The following PTPRN2 variants were observed in gnomAD, a reference collection of about 807,000 sequenced individuals.
PTPRN2 encodes receptor-type tyrosine-protein phosphatase N2.
Under a neutral mutation model 118.8 loss-of-function variants are expected in PTPRN2, and 74 were observed. The observed-to-expected ratio is 0.62, with a 90% CI of 0.52 to 0.76. The LOEUF is 0.76. PTPRN2 is among the 30% of genes least tolerant of loss of function. The probability of loss-of-function intolerance (pLI) is 0.00; values close to 1 mark genes in which losing one functional copy is unlikely to be tolerated. For missense variants in PTPRN2, 1,481 were observed against 1,394.4 expected (o/e 1.06, Z -0.99); for synonymous variants, 641 against 608.0 (o/e 1.05, Z -0.80).
At chr7:157,702,906 C>T (rs1798149424) in intron 12 of PTPRN2, among the ~76,000 whole-genome samples, 2 of 152,128 alleles carry the variant, frequency 1.3e-5, no homozygotes, top group African/African-American at 4.8e-5. Flanking sequence ...GACCTTCATA[C>T]CTGAGGGGCC....
At chr7:158,023,210 G>C (rs936108660) in intron 11 of PTPRN2, among the ~76,000 whole-genome samples, 2 of 152,096 alleles carry the variant, frequency 1.3e-5, no homozygotes, top group East Asian at 3.9e-4. Context: ...AGCCAATCCT[G>C]GTTTATTTCT....
chr7:158,279,870 T>C (rs901678023), intron 3 of PTPRN2, among the ~76,000 whole-genome samples: 1 of 152,062 alleles, frequency 6.6e-6, no homozygotes, highest in Non-Finnish European at 1.5e-5. Context: ...CGAGGGCTGC[T>C]AGCACGTTAT....
chr7:157,672,273 GA>G (rs1796454649), intron 13 of PTPRN2, among the ~76,000 whole-genome samples: 1 of 152,152 alleles, frequency 6.6e-6, no homozygotes, highest in Admixed American at 6.5e-5. Context: ...AGAAGAATCA[GA>G]CACGTTTTCT....
chr7:157,941,335 G>A (rs1800102120), intron 11 of PTPRN2, among the ~76,000 whole-genome samples: 1 of 86,872 alleles, frequency 1.2e-5, no homozygotes, highest in South Asian at 3.9e-4. Flanking sequence ...TCCCCACCAC[G>A]ACACTGCAAA....
intron 2 of PTPRN2, among the ~76,000 whole-genome samples, chr7:158,335,510 C>A (rs1340349923): frequency 3.6e-4 from 19 of 52,106 alleles, no homozygotes; most frequent in African/African-American, 1.2e-3. Context: ...CTCACACCCA[C>A]ACTCTCACCA....
intron 1 of PTPRN2, among the ~76,000 whole-genome samples, chr7:158,582,996 A>G (rs2129452620): frequency 6.6e-6 from 1 of 152,224 alleles, no homozygotes; most frequent in South Asian, 2.1e-4. Context: ...TCACCCGCAA[A>G]GCCAGTTGCA....
chr7:157,941,451 CCAT>C (rs1340152974), intron 11 of PTPRN2, among the ~76,000 whole-genome samples: 1 of 149,374 alleles, frequency 6.7e-6, no homozygotes, highest in Non-Finnish European at 1.5e-5. Flanking sequence ...ATCCTCCCCA[CCAT>C]GACACTGCAA....
chr7:158,272,563 C>G (rs762768724), intron 3 of PTPRN2, among the ~76,000 whole-genome samples: 2 of 152,204 alleles, frequency 1.3e-5, no homozygotes, highest in Non-Finnish European at 2.9e-5. Context: ...CGGCAGCCCA[C>G]CTCAAAGACA....
chr7:158,534,524 G>A (rs1825522021), intron 1 of PTPRN2, among the ~76,000 whole-genome samples: 1 of 152,168 alleles, frequency 6.6e-6, no homozygotes, highest in South Asian at 2.1e-4. Context: ...AGTGGGATCA[G>A]GCCTGGCTGG....
chr7:157,582,504 G>A (rs186316422), intron 17 of PTPRN2, among the ~76,000 whole-genome samples: 73 of 152,268 alleles, frequency 4.8e-4, no homozygotes, highest in African/African-American at 1.7e-3. Flanking sequence ...GGGATGGCAA[G>A]TGTTGGAGAG....
intron 11 of PTPRN2, among the ~76,000 whole-genome samples, chr7:158,073,305 G>C (rs1009215936): frequency 2.6e-5 from 4 of 152,194 alleles, no homozygotes; most frequent in African/African-American, 9.7e-5. Context: ...CCTGTGAGCC[G>C]CGGCTGCAGG....
chr7:158,245,346 C>T (rs1281587660), intron 3 of PTPRN2, among the ~76,000 whole-genome samples: 4 of 152,212 alleles, frequency 2.6e-5, no homozygotes, highest in Admixed American at 2.0e-4. Flanking sequence ...TGATGGTGCA[C>T]GTGACCCACG....
chr7:157,990,235 G>T lies in PTPRN2; in HGVS notation c.1723+91063C>A. On this transcript the variant is annotated intron_variant, in intron 11 of 22. Transcript: ENST00000389418. The surrounding 1 kb of genome is among the most constrained non-coding windows in gnomAD (Gnocchi z 4.3). ...TTCATGAGCGCCACCGGGGAAGACC[G>T]GGCACTCGTGGAGTTCAACAGATCA... 6.6e-6 allele frequency among the ~76,000 whole-genome samples: 1 copy of T among 152,028 alleles called. No homozygotes were observed.
rs1277159279 is a variant in PTPRN2 at position 157,898,724 on chromosome 7, G to T, written c.1737C>A (p.Asp579Glu). Residue 579 changes from aspartate (D) to glutamate (E), a missense_variant, in exon 12 of 23, where the codon GAC becomes GAA. Asp to Glu is a conservative substitution (Grantham distance 45). This residue lies in a region of PTPRN2 where 1,115 missense variants were observed against 994.2 expected (regional missense o/e 1.12). Transcript: ENST00000389418. ...TCAGTCCAGAGGTTTCCTCCAGTTT[G>T]TCTTTGTTGTCAACTGTTAGGAAAA... ...DVEKATVDNK[D>E]KLEETSGLKI... is the part of the protein sequence containing the mutation. 4 of 1,606,376 alleles carry T rather than the reference G, an allele frequency of 2.5e-6. No individual in the cohort carries two copies. Among genetic ancestry groups the T allele is most frequent in the Non-Finnish European group, 2.6e-6 (3 of 1,172,946 alleles).
At chr7:157,774,794 C>A (rs1482329955) in intron 12 of PTPRN2, among the ~76,000 whole-genome samples, 1 of 152,084 alleles carries the variant, frequency 6.6e-6, no homozygotes, top group Non-Finnish European at 1.5e-5. Flanking sequence ...GATGAGGGGA[C>A]CAGTCCGAGT....
chr7:157,580,175 T>G lies in PTPRN2; in HGVS notation c.2497-2035A>C, dbSNP rs537664063. On this transcript the variant is annotated intron_variant, in intron 17 of 22. Transcript: ENST00000389418. ...ACCCCTGGCACCTGTGAATGTGACC[T>G]CATTTGGATACAGGATTTTTCAGAC... is the stretch of plus-strand genomic sequence containing the variant. Among the ~76,000 whole-genome samples, 344 of 152,288 alleles carry G rather than the reference T, an allele frequency of 2.3e-3. 1 individual carries two copies. The highest frequency in any genetic ancestry group is 7.9e-3 in the African/African-American group (327 of 41,538).
chr7:158,022,564 C>T lies in PTPRN2; in HGVS notation c.1723+58734G>A, dbSNP rs113761553. On this transcript the variant is annotated intron_variant, in intron 11 of 22. Transcript: ENST00000389418. This position sits in a 1 kb window ranked among gnomAD's most constrained non-coding sequence, Gnocchi z 4.6. ...TGTTCATAGCCAAGGCCCCGGCACCCGGGCACTCTGTCTGGGGCAGCCCGT... is the reference window on the plus strand; with the variant it reads ...TGTTCATAGCCAAGGCCCCGGCACCTGGGCACTCTGTCTGGGGCAGCCCGT... 2.0e-5 allele frequency among the ~76,000 whole-genome samples: 3 copies of T among 149,060 alleles called. No homozygotes were observed. Among genetic ancestry groups the T allele is most frequent in the African/African-American group, 5.0e-5 (2 of 40,318 alleles).
At chr7:158,238,167 A>C (rs138430699) in intron 3 of PTPRN2, among the ~76,000 whole-genome samples, 127 of 152,102 alleles carry the variant, frequency 8.3e-4, no homozygotes, top group African/African-American at 3.0e-3. Flanking sequence ...TTGGAAAAGG[A>C]CGCCCTGGGC....
At chr7:157,703,106 G>A (rs762725742) in intron 12 of PTPRN2, among the ~76,000 whole-genome samples, 9 of 152,202 alleles carry the variant, frequency 5.9e-5, no homozygotes, top group Non-Finnish European at 1.3e-4. Context: ...GAAATTGAAC[G>A]GGCTCATTCT....
Sources: allele counts gnomAD v4.1 joint callset (sites outside exome capture counted in the v4.1 genomes callset), GRCh38; gene constraint gnomAD v4.1.1; regional missense constraint gnomAD v4.1.1; non-coding constraint Gnocchi (gnomAD v3.1); transcripts MANE v1.5; gene names NCBI Gene and HGNC (gene_info 2026-07-23, HGNC 2026-07-21).